The following AP3B1 variants were observed in gnomAD, a reference collection of about 807,000 sequenced individuals.
AP3B1 encodes the protein AP-3 complex subunit beta-1.
In AP3B1, 61 loss-of-function variants were observed where a neutral mutation model predicts 132.5. The ratio of observed to expected loss-of-function variants is 0.46; its 90% CI spans 0.37 to 0.57. The LOEUF (loss-of-function observed/expected upper bound fraction) is 0.57. Ranked by LOEUF, AP3B1 falls within the 20% of genes least tolerant of loss-of-function variation. The pLI, the probability that AP3B1 is intolerant of heterozygous loss-of-function variation, is 0.00. For synonymous variants in AP3B1, 388 were observed against 438.3 expected, an observed-to-expected ratio of 0.89 and a Z score of 1.43; for missense variants, 1,120 against 1,289.4, an observed-to-expected ratio of 0.87 and a Z score of 2.01.
chr5:78,282,965 G>A (rs949117573), intron 1 of AP3B1, among the ~76,000 whole-genome samples: 3 of 152,010 alleles, frequency 2.0e-5, no homozygotes, highest in Non-Finnish European at 4.4e-5. Context: ...TAGGGCCACT[G>A]CACCCCAGCC....
At chr5:78,227,643 AG>A (rs1303029879) in intron 4 of AP3B1, 111 bp from the exon 5 acceptor site, 1 of 991,008 alleles carries the variant, frequency 1.0e-6, no homozygotes, top group Non-Finnish European at 1.5e-6. Flanking sequence ...CAATAGCAAA[AG>A]AAAGCTACTT....
intron 7 of AP3B1, among the ~76,000 whole-genome samples, chr5:78,184,686 C>CAAAAAAAAAAAA (rs772722596): frequency 2.0e-4 from 22 of 110,542 alleles, no homozygotes; most frequent in African/African-American, 7.6e-4. Context: ...GACACTGTCT[C>CAAAAAAAAAAAA]AAAAAAAAAA....
intron 7 of AP3B1, among the ~76,000 whole-genome samples, chr5:78,209,275 A>G (rs575301900): frequency 6.6e-6 from 1 of 152,302 alleles, no homozygotes; most frequent in Admixed American, 6.5e-5. Context: ...GGAAAAGCCA[A>G]CCAGCATTAA....
At chr5:78,218,108 G>A (rs977973930) in intron 6 of AP3B1, among the ~76,000 whole-genome samples, 2 of 152,030 alleles carry the variant, frequency 1.3e-5, no homozygotes, top group East Asian at 3.9e-4. Flanking sequence ...TATAAAGAGA[G>A]TACTTTTACA....
intron 2 of AP3B1, among the ~76,000 whole-genome samples, chr5:78,253,456 A>C (rs532988821): frequency 5.3e-5 from 8 of 152,216 alleles, no homozygotes; most frequent in Non-Finnish European, 1.0e-4. Flanking sequence ...GGCAGTGATG[A>C]CTACAATAAA....
chr5:78,001,245 C>T (rs1267825073), downstream of AP3B1: 2 of 152,124 alleles, frequency 1.3e-5, no homozygotes, highest in Non-Finnish European at 2.9e-5. Context: ...AGGTATTAAA[C>T]CTGTCAAATT....
intron 1 of AP3B1, among the ~76,000 whole-genome samples, chr5:78,280,364 T>G (rs1037264246): frequency 6.6e-6 from 1 of 152,220 alleles, no homozygotes; most frequent in Non-Finnish European, 1.5e-5. Context: ...TTGGTTAACA[T>G]TATCTCATGT....
intron 15 of AP3B1, among the ~76,000 whole-genome samples, chr5:78,131,501 CT>C (rs1403251688): frequency 6.6e-6 from 1 of 151,944 alleles, no homozygotes; most frequent in Admixed American, 6.6e-5. Context: ...AAATATTTAG[CT>C]TTTCCCCCAT....
chr5:78,127,387 T>C (rs2112297261), intron 17 of AP3B1, among the ~76,000 whole-genome samples: 1 of 152,326 alleles, frequency 6.6e-6, no homozygotes, highest in Non-Finnish European at 1.5e-5. Flanking sequence ...CTTTTTCTTG[T>C]ATATATGAGA....
chr5:78,116,315 T>C (rs538397744), intron 17 of AP3B1, 81 bp from the exon 18 acceptor site: 2 of 1,282,344 alleles, frequency 1.6e-6, no homozygotes, highest in African/African-American at 1.5e-5. Context: ...ATTAACAACA[T>C]AACTGAATTC....
intron 7 of AP3B1, among the ~76,000 whole-genome samples, chr5:78,204,828 A>G (rs1745439830): frequency 6.6e-6 from 1 of 152,170 alleles, no homozygotes; most frequent in Non-Finnish European, 1.5e-5. Flanking sequence ...AATGCCACAA[A>G]TCTTTTCTCC....
rs1290289448 is a variant in AP3B1, at chr5:78,174,509, C to G, written c.1167+1117G>C. ...CCAGACCCTGTTTGCCTGGTTATCA[C>G]CAGCGGAGGCTGCAGCACAGCAAAT... On this transcript the variant is annotated intron_variant, in intron 11 of 26. Transcript: ENST00000255194. Among the ~76,000 whole-genome samples, 16 of 151,572 alleles carry G rather than the reference C, an allele frequency of 1.1e-4. 1 individual carries two copies. The Admixed American group carries it at 1.1e-3, about 10-fold the overall frequency.
At chr5:78,009,976 T>A (rs1580233809) in intron 26 of AP3B1, among the ~76,000 whole-genome samples, 1 of 152,170 alleles carries the variant, frequency 6.6e-6, no homozygotes, top group Non-Finnish European at 1.5e-5. Context: ...AATGAGTAGG[T>A]AAGTGTGACA....
At chr5:78,148,582 T>C (rs1198316253) in intron 14 of AP3B1, among the ~76,000 whole-genome samples, 2 of 152,210 alleles carry the variant, frequency 1.3e-5, no homozygotes, top group African/African-American at 4.8e-5. Context: ...GAATATTCAA[T>C]GTTTTTAGTT....
intron 2 of AP3B1, among the ~76,000 whole-genome samples, chr5:78,243,561 T>C (rs533538731): frequency 1.4e-5 from 2 of 141,530 alleles, no homozygotes; most frequent in Non-Finnish European, 3.1e-5. Context: ...TAAACAATAA[T>C]AGTGAGGTGG....
chr5:78,042,559 G>T, intron 22 of AP3B1: 1 of 176,068 alleles, frequency 5.7e-6, no homozygotes, highest in Non-Finnish European at 1.3e-5. Flanking sequence ...TTTAGATAAG[G>T]CCTCATTGAA....
intron 2 of AP3B1, among the ~76,000 whole-genome samples, chr5:78,263,755 G>A (rs1007524852): frequency 6.6e-5 from 10 of 152,176 alleles, no homozygotes; most frequent in Admixed American, 2.0e-4. Flanking sequence ...AGATGATTGT[G>A]AGGGATTTTT....
intron 19 of AP3B1, among the ~76,000 whole-genome samples, chr5:78,111,905 G>C (rs1371397621): frequency 2.0e-5 from 3 of 151,970 alleles, no homozygotes; most frequent in African/African-American, 7.3e-5. Flanking sequence ...CCTGCTCAAG[G>C]GCACATAACA....
rs201886263 is a variant in AP3B1 at position 78,113,762 on chromosome 5, T to C, written c.2239A>G (p.Lys747Glu). 106 of 1,613,964 alleles carry C rather than the reference T, an allele frequency of 6.6e-5. No individual in the cohort carries two copies. The highest frequency in any genetic ancestry group is 4.3e-4 in the Admixed American group (26 of 60,012). The change falls in exon 19 of 27, where the codon AAA (lysine) becomes GAA (glutamate). Residue 747 changes from lysine (K) to glutamate (E), a missense_variant. Physicochemically the swap from Lys to Glu is moderately conservative, Grantham distance 56 (BLOSUM62 1). Coordinates refer to ENST00000255194, the MANE Select transcript of AP3B1 (RefSeq NM_003664.5). Reference protein sequence around the residue: ...KRTAKRNSKAKGKSDSEDGEK... With the variant: ...KRTAKRNSKAEGKSDSEDGEK... Reference sequence around the variant, plus strand: ...GACAAAATAAGTTACCTTTTTCCTTTGGCTTTTGAGTTCCTCTTGGCTGTT... The same window carrying C: ...GACAAAATAAGTTACCTTTTTCCTTCGGCTTTTGAGTTCCTCTTGGCTGTT...
Sources: allele counts gnomAD v4.1 joint callset (sites outside exome capture counted in the v4.1 genomes callset), GRCh38; gene constraint gnomAD v4.1.1; transcripts MANE v1.5; gene names NCBI Gene and HGNC (gene_info 2026-07-23, HGNC 2026-07-21).